WDR25: variants seen among roughly 807,000 people sequenced by gnomAD.
WDR25 encodes the protein WD repeat domain 25.
Under a neutral mutation model 47.7 loss-of-function variants are expected in WDR25, and 35 were observed. The observed-to-expected ratio is 0.73, with a 90% CI of 0.56 to 0.97. The LOEUF is 0.97. Among genes scored for constraint, WDR25 ranks in the 50% least tolerant of loss-of-function variants. The pLI is 0.00. For missense variants in WDR25, 634 were observed against 704.7 expected (o/e 0.90, Z 1.14); for synonymous variants, 248 against 278.9 (o/e 0.89, Z 1.10).
chr14:100,491,156 C>T (rs1462503498), intron 4 of WDR25, among the ~76,000 whole-genome samples: 1 of 152,232 alleles, frequency 6.6e-6, no homozygotes, highest in East Asian at 1.9e-4. Context: ...CTGTGTGCGC[C>T]ATGGCTCATT....
At chr14:100,397,234 C>T (rs1282226211) in intron 2 of WDR25, among the ~76,000 whole-genome samples, 1 of 152,190 alleles carries the variant, frequency 6.6e-6, no homozygotes, top group East Asian at 1.9e-4. Flanking sequence ...TTTTCAGCTT[C>T]TCGGTCGGAA....
intron 2 of WDR25, among the ~76,000 whole-genome samples, chr14:100,465,754 C>T (rs184130891): frequency 1.3e-5 from 2 of 152,158 alleles, no homozygotes; most frequent in African/African-American, 2.4e-5. Flanking sequence ...TGTCATAATT[C>T]TACATTTAAT....
At chr14:100,389,735 G>T (rs932483823) in intron 2 of WDR25, among the ~76,000 whole-genome samples, 1 of 152,240 alleles carries the variant, frequency 6.6e-6, no homozygotes, top group Non-Finnish European at 1.5e-5. Context: ...GGGAGGACCA[G>T]AAGGGCTTTA....
intron 4 of WDR25, among the ~76,000 whole-genome samples, chr14:100,503,025 ATGTG>A (rs1195583006): frequency 2.6e-5 from 4 of 151,118 alleles, no homozygotes; most frequent in Admixed American, 6.6e-5. Flanking sequence ...CCATCCATGC[ATGTG>A]TGTGTGTCTG....
chr14:100,478,041 G>A lies in WDR25; in HGVS notation c.971-5953G>A, dbSNP rs142448301. Among the ~76,000 whole-genome samples the A allele has an allele frequency of 6.2e-3, 944 of 152,088 alleles. 7 individuals are homozygous for A. The highest frequency in any genetic ancestry group is 0.012 in the South Asian group (59 of 4,812). ...TGGGAGACAGAGCTTGCAGTGAGCC[G>A]GATAGCACCACTGCACTCCAGCCTG... On this transcript the variant is annotated intron_variant, in intron 3 of 6. Coordinates refer to ENST00000402312, the MANE Select transcript of WDR25 (RefSeq NM_001161476.3).
intron 4 of WDR25, among the ~76,000 whole-genome samples, chr14:100,518,566 G>A (rs982510030): frequency 1.3e-5 from 2 of 151,878 alleles, no homozygotes; most frequent in Non-Finnish European, 2.9e-5. Flanking sequence ...TCTTTCTTTT[G>A]GGTACTGCTG....
At chr14:100,431,100 A>G (rs1423571269) in intron 2 of WDR25, among the ~76,000 whole-genome samples, 4 of 152,208 alleles carry the variant, frequency 2.6e-5, no homozygotes, top group Non-Finnish European at 5.9e-5. Flanking sequence ...GGCCCCTGAC[A>G]TTTATTATGA....
chr14:100,413,462 G>A (rs1897770029), intron 2 of WDR25, among the ~76,000 whole-genome samples: 1 of 150,762 alleles, frequency 6.6e-6, no homozygotes, highest in Admixed American at 6.6e-5. Context: ...CGCCCAGGCT[G>A]GAGTGCAGTG....
intron 4 of WDR25, among the ~76,000 whole-genome samples, chr14:100,486,403 G>T (rs1004598447): frequency 2.0e-5 from 3 of 152,192 alleles, no homozygotes; most frequent in African/African-American, 7.2e-5. Context: ...GCATGTTTGC[G>T]AGTCTCTCCC....
At position 100,388,389 on chromosome 14, in the gene WDR25, C is replaced by T. The variant is rs559168291; in HGVS notation, c.822+6643C>T. On this transcript the variant is annotated intron_variant, in intron 2 of 6. Coordinates refer to ENST00000402312, the MANE Select transcript of WDR25 (RefSeq NM_001161476.3). ...ATAGAGGCCCATAGAGGGGAAGACA[C>T]GCCCGAGGACACACAATAGGTGTTT... Among the ~76,000 whole-genome samples the T allele has an allele frequency of 1.1e-4, 17 of 152,228 alleles. No homozygotes were observed. In the South Asian group the frequency reaches 1.2e-3, roughly 11 times the overall value.
At chr14:100,485,629 G>A (rs1900358434) in intron 4 of WDR25, among the ~76,000 whole-genome samples, 1 of 152,322 alleles carries the variant, frequency 6.6e-6, no homozygotes, top group Non-Finnish European at 1.5e-5. Context: ...GGAGCCACGG[G>A]AGGTTTGTGA....
Position 100,411,644 on chromosome 14 carries a change from C to T in WDR25, c.822+29898C>T, listed in dbSNP as rs562271726. On this transcript the variant is annotated intron_variant, in intron 2 of 6. Coordinates refer to ENST00000402312, the MANE Select transcript of WDR25 (RefSeq NM_001161476.3). ...TGCTGCCTCCCAGGTTCAAGCCATTCTCCTACCTCAGCCTCCCTAGTAGCT... is the reference window on the plus strand; with the variant it reads ...TGCTGCCTCCCAGGTTCAAGCCATTTTCCTACCTCAGCCTCCCTAGTAGCT... Among the ~76,000 whole-genome samples the T allele has an allele frequency of 7.9e-5, 12 of 151,890 alleles. No individual in the cohort carries two copies. The East Asian group carries it at 2.3e-3, about 30-fold the overall frequency.
chr14:100,506,150 T>C lies in WDR25; in HGVS notation c.1102-19720T>C, dbSNP rs1901102117. Among the ~76,000 whole-genome samples, 1 of 152,214 alleles carries C rather than the reference T, an allele frequency of 6.6e-6. No individual in the cohort carries two copies. The highest frequency in any genetic ancestry group is 2.4e-5 in the African/African-American group (1 of 41,454). Reference sequence around the variant, plus strand: ...CCAAAGTTTAGCTTCCACTTATAAGTGAAAACATGGAGTATTTTTGTTTTC... The same window carrying C: ...CCAAAGTTTAGCTTCCACTTATAAGCGAAAACATGGAGTATTTTTGTTTTC... On this transcript the variant is annotated intron_variant, in intron 4 of 6. Transcript: ENST00000402312. The surrounding 1 kb of genome is among the most constrained non-coding windows in gnomAD (Gnocchi z 4.8).
chr14:100,394,890 C>T (rs1330067498), intron 2 of WDR25, among the ~76,000 whole-genome samples: 5 of 151,918 alleles, frequency 3.3e-5, no homozygotes, highest in South Asian at 2.1e-4. Context: ...GAGGCTGAGG[C>T]GGGAGGATTG....
chr14:100,519,549 A>G (rs939122348), intron 4 of WDR25, among the ~76,000 whole-genome samples: 2 of 151,220 alleles, frequency 1.3e-5, no homozygotes, highest in Non-Finnish European at 2.9e-5. Flanking sequence ...TTATAACTCC[A>G]TAACATATGT....
chr14:100,528,533 A>T (rs562690780), intron 5 of WDR25, among the ~76,000 whole-genome samples: 77 of 150,300 alleles, frequency 5.1e-4, no homozygotes, highest in African/African-American at 1.6e-3. Context: ...AGCATCCCAG[A>T]GTGCTGGGAT....
chr14:100,514,498 C>T (rs1245703461), intron 4 of WDR25, among the ~76,000 whole-genome samples: 1 of 151,764 alleles, frequency 6.6e-6, no homozygotes, highest in Non-Finnish European at 1.5e-5. Flanking sequence ...TTTATGATTT[C>T]ATCTTAATCT....
intron 2 of WDR25, among the ~76,000 whole-genome samples, chr14:100,445,981 A>T (rs1898819562): frequency 6.6e-6 from 1 of 152,232 alleles, no homozygotes; most frequent in Admixed American, 6.5e-5. Context: ...GAGGCTGGCC[A>T]TCCTGGTAGA....
chr14:100,438,047 C>A (rs924110535), intron 2 of WDR25, among the ~76,000 whole-genome samples: 1 of 152,152 alleles, frequency 6.6e-6, no homozygotes, highest in Non-Finnish European at 1.5e-5. Context: ...TAAGAGTAAA[C>A]AAAGTAGTAG....
Sources: gnomAD v4.1 joint callset for allele counts (sites outside exome capture counted in the v4.1 genomes callset) on GRCh38, gnomAD v4.1.1 for gene constraint, Gnocchi (gnomAD v3.1) non-coding constraint, MANE v1.5 for transcripts, NCBI Gene and HGNC (gene_info 2026-07-23, HGNC 2026-07-21) for gene names.